Variants in DHX29 observed in about 807,000 individuals in gnomAD.
DHX29 encodes ATP-dependent RNA helicase DHX29.
Under a neutral mutation model 167.9 loss-of-function variants are expected in DHX29, and 79 were observed. The ratio of observed to expected loss-of-function variants is 0.47; its 90% CI spans 0.39 to 0.57. The LOEUF (loss-of-function observed/expected upper bound fraction) is 0.57. Ranked by LOEUF, DHX29 falls within the 20% of genes least tolerant of loss-of-function variation. The pLI, the probability that DHX29 is intolerant of heterozygous loss-of-function variation, is 0.00. For synonymous variants in DHX29, 530 were observed against 546.0 expected (o/e 0.97, Z 0.41); for missense variants, 1,347 against 1,593.4 (o/e 0.85, Z 2.63).
At chr5:55,275,196 TC>T (rs538232208) in intron 14 of DHX29, among the ~76,000 whole-genome samples, 186 bp from the exon 15 acceptor site, 3 of 152,304 alleles carry the variant, frequency 2.0e-5, no homozygotes, top group Admixed American at 1.3e-4. Flanking sequence ...GAAAATATCA[TC>T]TCTGTCCTAT....
chr5:55,272,147 G>A lies in DHX29; in HGVS notation c.2804C>T (p.Thr935Met), dbSNP rs764979980. The A allele has an allele frequency of 2.5e-5, 39 of 1,580,432 alleles. No homozygotes were observed. The highest frequency in any genetic ancestry group is 3.3e-4 in the Middle Eastern group (2 of 6,030). The change falls in exon 18 of 27, where the codon ACG becomes ATG. Residue 935 changes from threonine to methionine, a missense_variant. Around this residue, in one of 3 missense-constraint regions of DHX29, gnomAD observed 882 missense variants for 1,082.4 expected, o/e 0.81. Coordinates refer to ENST00000251636, the MANE Select transcript of DHX29 (RefSeq NM_019030.4). ...TACAACATCAGGAATAGTGATACCC[G>A]TCTCTGCAATATTGGTTGCTAAAAC... Reference protein sequence around the residue: ...KIVLATNIAETGITIPDVVFV... With the variant: ...KIVLATNIAEMGITIPDVVFV...
In DHX29 at chr5:55,276,377, T is replaced by C. The variant is rs1207691870; in HGVS notation, c.2316A>G (p.Glu772=). The change falls in exon 14 of 27, where the codon GAA becomes GAG. Residue 772 remains glutamate, a synonymous_variant. Coordinates refer to ENST00000251636, the MANE Select transcript of DHX29 (RefSeq NM_019030.4). Reference sequence around the variant, plus strand: ...AGTCTTTTTCCAGTACAAAGCCTGTTTCTTCTATTATATCTTCAAGATGAA... The same window carrying C: ...AGTCTTTTTCCAGTACAAAGCCTGTCTCTTCTATTATATCTTCAAGATGAA... ...EVFHLEDIIE[E]TGFVLEKDSE... is the part of the protein sequence containing the mutation. 9 of 1,597,010 alleles carry C rather than the reference T, an allele frequency of 5.6e-6. No individual in the cohort carries two copies. Among genetic ancestry groups the C allele is most frequent in the Non-Finnish European group, 7.7e-6 (9 of 1,174,662 alleles).
chr5:55,260,513 G>A (rs1746264941), intron 25 of DHX29, among the ~76,000 whole-genome samples: 1 of 11,916 alleles, frequency 8.4e-5, no homozygotes, highest in Non-Finnish European at 2.4e-4. Flanking sequence ...TTACAGGCAT[G>A]AGCCATGGCA....
At chr5:55,272,196 TA>T (rs1249356951) in intron 17 of DHX29, 21 bp from the exon 18 acceptor site, 1 of 1,425,642 alleles carries the variant, frequency 7.0e-7, no homozygotes, top group Non-Finnish European at 9.7e-7. Flanking sequence ...ACAAAAAGCT[TA>T]AAACATTTAG....
At position 55,304,309 on chromosome 5, in the gene DHX29, CTTTTTT is replaced by C. The variant is rs397882409; in HGVS notation, c.187+3072_187+3077del. Among the ~76,000 whole-genome samples, 166 of 112,648 alleles carry C rather than the reference CTTTTTT, an allele frequency of 1.5e-3. 1 individual carries two copies. The Middle Eastern group carries it at 0.022, about 15-fold the overall frequency. The allele number at this position is 112,648 out of a possible 152,430, so 73.9% of individuals were successfully genotyped here. On this transcript the variant is annotated intron_variant, in intron 1 of 26. Coordinates refer to ENST00000251636, the MANE Select transcript of DHX29 (RefSeq NM_019030.4). ...GCCTCCTTTGCTTGCTCAAATGTCA[CTTTTTT>C]TTTTTTTTTTTTTTTTGAGACCGAG...
chr5:55,268,631 T>G (rs1179950657), intron 21 of DHX29, among the ~76,000 whole-genome samples: 1 of 152,084 alleles, frequency 6.6e-6, no homozygotes, highest in Non-Finnish European at 1.5e-5. Flanking sequence ...AGGGTCTCAC[T>G]ATGTTGCCCA....
chr5:55,292,694 T>C (rs566246457), intron 6 of DHX29, among the ~76,000 whole-genome samples: 5 of 152,226 alleles, frequency 3.3e-5, no homozygotes, highest in African/African-American at 1.2e-4. Context: ...CATCTATACA[T>C]CTTATCTCTA....
At position 55,290,259 on chromosome 5, in the gene DHX29, C is replaced by G. The variant is rs932506125; in HGVS notation, c.866G>C (p.Gly289Ala). 1.9e-6 allele frequency: 3 copies of G among 1,610,848 alleles called. No homozygotes were observed. The East Asian group carries it at 6.7e-5, about 36-fold the overall frequency. ...TATTTTTTCCTGAGCCTCTTTTTGG[C>G]CTTGCTTGTTTTTTTCTAGTTTAAA... is the stretch of plus-strand genomic sequence containing the variant. ...ATFKLEKNKQ[G>A]QKEAQEKIRK... The change falls in exon 7 of 27, where the codon GGC (glycine) becomes GCC (alanine). Residue 289 changes from glycine (G) to alanine (A), a missense_variant. Around this residue, in one of 3 missense-constraint regions of DHX29, gnomAD observed 405 missense variants for 416.8 expected, o/e 0.97. Coordinates refer to ENST00000251636, the MANE Select transcript of DHX29 (RefSeq NM_019030.4).
At position 55,307,687 on chromosome 5, in the gene DHX29, G is replaced by A. The variant is rs777760824; in HGVS notation, c.-114C>T. On this transcript the variant is annotated 5_prime_UTR_variant, in exon 1 of 27. Transcript: ENST00000251636. ...GGCTGCCACCCTGCGCTTCGATCCG[G>A]GCTTCTCGGGCCGGGGCGACCGCTG... is the stretch of plus-strand genomic sequence containing the variant. The A allele has an allele frequency of 7.2e-7, 1 of 1,380,912 alleles. No homozygotes were observed. The highest frequency in any genetic ancestry group is 2.3e-5 in the East Asian group (1 of 43,280). 85.5% of individuals were successfully genotyped at this position (1,380,912 alleles called of 1,614,324 possible). A position where few individuals can be genotyped will look rare whatever the true frequency, so the allele number is the denominator to read the frequency against.
chr5:55,273,624 A>G (rs370905210), intron 16 of DHX29, among the ~76,000 whole-genome samples: 11 of 152,366 alleles, frequency 7.2e-5, no homozygotes, highest in African/African-American at 2.4e-4. Flanking sequence ...AGTGGTTTAT[A>G]TGGTTTACTA....
At chr5:55,259,777 C>T (rs1746221042) in intron 26 of DHX29, 71 bp downstream of exon 26, 1 of 896,412 alleles carries the variant, frequency 1.1e-6, no homozygotes, top group South Asian at 1.7e-5. Flanking sequence ...TTTTTCCACA[C>T]ATTAATACAT....
At chr5:55,305,028 T>C (rs1343563793) in intron 1 of DHX29, among the ~76,000 whole-genome samples, 1 of 152,230 alleles carries the variant, frequency 6.6e-6, no homozygotes, top group Non-Finnish European at 1.5e-5. Context: ...ATAATTCCTT[T>C]GAACTTTCCT....
rs1453648220 is a variant in DHX29, at chr5:55,283,566, A to G, written c.1602T>C (p.Ser534=). ...CATTTGCTGATTCCAAGGACAGTGCAGAAAAATCCTCATCCGAAACTAAAT... is the reference window on the plus strand; with the variant it reads ...CATTTGCTGATTCCAAGGACAGTGCGGAAAAATCCTCATCCGAAACTAAAT... ...WENLVSDEDF[S]ALSLESANVE... The change falls in exon 11 of 27, where the codon TCT becomes TCC. Residue 534 remains serine (S), a synonymous_variant. Coordinates refer to ENST00000251636, the MANE Select transcript of DHX29 (RefSeq NM_019030.4). 6.2e-7 allele frequency: 1 copy of G among 1,614,208 alleles called. No individual in the cohort carries two copies. The highest frequency in any genetic ancestry group is 8.5e-7 in the Non-Finnish European group (1 of 1,180,044).
In DHX29 at chr5:55,289,274, C is replaced by T. The variant is rs1199863538; in HGVS notation, c.1062G>A (p.Glu354=). The T allele has an allele frequency of 6.4e-7, 1 of 1,562,306 alleles. No individual in the cohort carries two copies. The highest frequency in any genetic ancestry group is 2.1e-5 in the Admixed American group (1 of 47,472). The change falls in exon 8 of 27, where the codon GAG becomes GAA. Residue 354 remains glutamate (E), a synonymous_variant. Transcript: ENST00000251636. ...ACCATCTTCCCTTAATTTTACCTTT[C>T]TCTTCTTCAGTAGCAGCTGCAGATT... ...FEKSAAATEE[E]KDKKKEPHDV... is the part of the protein sequence containing the mutation.
chr5:55,280,648 C>A (rs1747354594), intron 12 of DHX29, among the ~76,000 whole-genome samples: 1 of 152,076 alleles, frequency 6.6e-6, no homozygotes, highest in Admixed American at 6.6e-5. Flanking sequence ...AAGAGTGAAA[C>A]CATGCCTATA....
chr5:55,269,385 AAAG>A, intron 21 of DHX29, 25 bp downstream of exon 21: 2 of 1,601,420 alleles, frequency 1.2e-6, no homozygotes, highest in Non-Finnish European at 1.7e-6. Flanking sequence ...TATTTAAAGT[AAAG>A]AAGCAGCAGC....
Position 55,307,379 on chromosome 5 carries a change from T to A in DHX29, c.187+8A>T. On this transcript the variant is annotated splice_region_variant and intron_variant, in intron 1 of 26. Transcript: ENST00000251636. ...GCAGACAGCCAGGGGCTGGGGGACCTCTCGTACCTTGCTTGACACGGGGCT... is the reference window on the plus strand; with the variant it reads ...GCAGACAGCCAGGGGCTGGGGGACCACTCGTACCTTGCTTGACACGGGGCT... 1 of 1,611,434 alleles carries A rather than the reference T, an allele frequency of 6.2e-7. No homozygotes were observed. The highest frequency in any genetic ancestry group is 8.5e-7 in the Non-Finnish European group (1 of 1,178,706).
rs776074628 is a variant in DHX29, at chr5:55,267,867, C to A, written c.3295-45G>T. ...GACAAAACAATTTATCATTAAAGAG[C>A]AATACAGTGAAAGTTAACTTATAAA... On this transcript the variant is annotated intron_variant, in intron 21 of 26. Transcript: ENST00000251636. The A allele has an allele frequency of 2.7e-6, 4 of 1,461,220 alleles. No individual in the cohort carries two copies. The African/African-American group carries it at 5.6e-5, about 20-fold the overall frequency. 90.5% of individuals were successfully genotyped at this position (1,461,220 alleles called of 1,614,324 possible).
At chr5:55,269,004 T>C (rs1375218377) in intron 21 of DHX29, among the ~76,000 whole-genome samples, 1 of 151,954 alleles carries the variant, frequency 6.6e-6, no homozygotes, top group African/African-American at 2.4e-5. Flanking sequence ...GATTTTCAAG[T>C]ATATAAATAT....
Sources: gnomAD v4.1 joint callset for allele counts (sites outside exome capture counted in the v4.1 genomes callset) on GRCh38, gnomAD v4.1.1 for gene constraint, gnomAD v4.1.1 regional missense constraint, MANE v1.5 for transcripts, NCBI Gene and HGNC (gene_info 2026-07-23, HGNC 2026-07-21) for gene names.